NELFA: variants seen among roughly 807,000 people sequenced by gnomAD.
NELFA encodes negative elongation factor A.
A neutral mutation model predicts 51.8 loss-of-function variants in NELFA; 35 were observed. The ratio of observed to expected loss-of-function variants is 0.68; its 90% CI spans 0.52 to 0.90. NELFA has a LOEUF of 0.90. Among genes scored for constraint, NELFA ranks in the 40% least tolerant of loss-of-function variants. NELFA has a pLI of 0.00. For synonymous variants in NELFA, 417 were observed against 338.4 expected (o/e 1.23, Z -2.55); for missense variants, 658 against 746.4 (o/e 0.88, Z 1.38).
chr4:1,983,403 C>T lies in NELFA; in HGVS notation c.1503G>A (p.Leu501=). Reference sequence around the variant, plus strand: ...AGTTCATCTCAAACACTGTGTCCACCAGCATGGTTGTGCTACCCTGGCCGT... The same window carrying T: ...AGTTCATCTCAAACACTGTGTCCACTAGCATGGTTGTGCTACCCTGGCCGT... ...KADGQGSTTM[L]VDTVFEMNYA... Residue 501 remains leucine, a synonymous_variant, in exon 11 of 11, where the codon CTG becomes CTA. Coordinates refer to ENST00000382882, the MANE Select transcript of NELFA (RefSeq NM_005663.5). 1 of 1,614,208 alleles carries T rather than the reference C, an allele frequency of 6.2e-7. No homozygotes were observed.
intron 3 of NELFA, among the ~76,000 whole-genome samples, chr4:1,988,711 T>A (rs2109057732): frequency 6.6e-6 from 1 of 152,376 alleles, no homozygotes; most frequent in East Asian, 1.9e-4. Flanking sequence ...TAAAACGATG[T>A]TATTGAAATC....
intron 7 of NELFA, 56 bp downstream of exon 7, chr4:1,985,720 G>T: frequency 6.9e-7 from 1 of 1,440,662 alleles, no homozygotes; most frequent in South Asian, 1.1e-5. Flanking sequence ...GCCACAATCG[G>T]AACAAAAGGG....
At chr4:1,998,197 G>A (rs892733665) in intron 1 of NELFA, among the ~76,000 whole-genome samples, 5 of 151,984 alleles carry the variant, frequency 3.3e-5, no homozygotes, top group Admixed American at 6.6e-5. Flanking sequence ...AAGAATCAAC[G>A]AAAAAATGCT....
intron 1 of NELFA, among the ~76,000 whole-genome samples, chr4:2,006,754 G>GT (rs1430701573): frequency 3.9e-4 from 50 of 128,276 alleles, no homozygotes; most frequent in African/African-American, 1.4e-3. Flanking sequence ...GGGTGACAGA[G>GT]TGAGACGCTG....
Position 1,991,699 on chromosome 4 carries a change from A to G in NELFA, c.227T>C (p.Met76Thr), listed in dbSNP as rs368446695. The G allele has an allele frequency of 7.5e-6, 12 of 1,603,356 alleles. No individual in the cohort carries two copies. The highest frequency in any genetic ancestry group is 1.0e-5 in the Non-Finnish European group (12 of 1,175,506). ...RTVDEMKGAL[M>T]EIIQLASLDS... ...GAGGCTGGCGAGCTGGATGATCTCCATTAGGGCGCCCTTCATCTGCAAAAT... is the reference window on the plus strand; with the variant it reads ...GAGGCTGGCGAGCTGGATGATCTCCGTTAGGGCGCCCTTCATCTGCAAAAT... The change falls in exon 2 of 11, where the codon ATG (methionine) becomes ACG (threonine). Residue 76 changes from methionine to threonine, a missense_variant. Physicochemically the swap from Met to Thr is moderately conservative, Grantham distance 81 (BLOSUM62 -1). Coordinates refer to ENST00000382882, the MANE Select transcript of NELFA (RefSeq NM_005663.5).
intron 7 of NELFA, 71 bp downstream of exon 7, chr4:1,985,696 AGAGCACACT>A: frequency 9.4e-7 from 1 of 1,059,026 alleles, no homozygotes; most frequent in Non-Finnish European, 1.4e-6. Flanking sequence ...ATTCTCCGAC[AGAGCACACT>A]AGTGGCCACA....
intron 1 of NELFA, 119 bp downstream of exon 1, chr4:2,008,631 A>G: frequency 1.9e-6 from 2 of 1,067,200 alleles, no homozygotes; most frequent in Non-Finnish European, 1.3e-6. Context: ...GGGGGTTAAC[A>G]GTCTGAAGGG....
chr4:1,985,627 G>A, intron 7 of NELFA, 149 bp downstream of exon 7: 1 of 636,070 alleles, frequency 1.6e-6, no homozygotes, highest in Admixed American at 3.0e-5. Flanking sequence ...TGCCTCTCAT[G>A]TACATATACG....
At position 1,986,117 on chromosome 4, in the gene NELFA, G is replaced by T; in HGVS notation, c.832C>A (p.Leu278Ile). The T allele has an allele frequency of 6.4e-7, 1 of 1,551,872 alleles. No homozygotes were observed. The highest frequency in any genetic ancestry group is 8.7e-7 in the Non-Finnish European group (1 of 1,147,334). Reference sequence around the variant, plus strand: ...ACACGCAGGCCCCAACCCCCACCGAGAGTCTTCCTTCTCCGCTTCGCCTCT... The same window carrying T: ...ACACGCAGGCCCCAACCCCCACCGATAGTCTTCCTTCTCCGCTTCGCCTCT... ...GREAKRRRKT[L>I]DAEVVEKPAK... The change falls in exon 6 of 11, where the codon CTC becomes ATC. Residue 278 changes from leucine to isoleucine, a missense_variant. Coordinates refer to ENST00000382882, the MANE Select transcript of NELFA (RefSeq NM_005663.5).
chr4:2,001,789 G>A (rs896228322), intron 1 of NELFA, among the ~76,000 whole-genome samples: 1 of 152,174 alleles, frequency 6.6e-6, no homozygotes, highest in African/African-American at 2.4e-5. Context: ...TGTAATCCCA[G>A]CTACTCGGGA....
At chr4:1,990,606 G>A (rs965179897) in intron 2 of NELFA, 12 of 440,464 alleles carry the variant, frequency 2.7e-5, no homozygotes, top group Middle Eastern at 3.5e-4. Flanking sequence ...GTGGCCAGCA[G>A]GGCCCCTGCA....
chr4:1,983,371 G>A lies in NELFA; in HGVS notation c.1535C>T (p.Thr512Met), dbSNP rs1200742495. 7 of 1,614,182 alleles carry A rather than the reference G, an allele frequency of 4.3e-6. No homozygotes were observed. The highest frequency in any genetic ancestry group is 1.7e-5 in the Admixed American group (1 of 60,024). Reference sequence around the variant, plus strand: ...CTTCTTGAAGCGCGTCCACTGGCCCGTGGCATAGTTCATCTCAAACACTGT... The same window carrying A: ...CTTCTTGAAGCGCGTCCACTGGCCCATGGCATAGTTCATCTCAAACACTGT... Reference protein sequence around the residue: ...VDTVFEMNYATGQWTRFKKYK... With the variant: ...VDTVFEMNYAMGQWTRFKKYK... The change falls in exon 11 of 11, where the codon ACG becomes ATG. Residue 512 changes from threonine (T) to methionine (M), a missense_variant. Physicochemically the swap from Thr to Met is moderately conservative, Grantham distance 81. Coordinates refer to ENST00000382882, the MANE Select transcript of NELFA (RefSeq NM_005663.5).
intron 1 of NELFA, among the ~76,000 whole-genome samples, chr4:2,006,114 C>T (rs1728703290): frequency 6.6e-6 from 1 of 152,150 alleles, no homozygotes; most frequent in African/African-American, 2.4e-5. Context: ...TGACAAGAAC[C>T]GACTTAGTGG....
At chr4:1,987,822 A>T in intron 4 of NELFA, 96 bp downstream of exon 4, 1 of 1,054,896 alleles carries the variant, frequency 9.5e-7, no homozygotes, top group Non-Finnish European at 1.4e-6. Context: ...AAGACCATTC[A>T]CAGGCACCAC....
rs947143296 is a variant in NELFA at position 1,984,033 on chromosome 4, G to A, written c.1117C>T (p.Arg373Trp). ...SPTLPAQFKQ[R>W]APMYNSGLSP... ...AGGCCGCTGTTGTACATGGGCGCCCGCTGCTTGAACTGCGCTGGCAACGTG... is the reference window on the plus strand; with the variant it reads ...AGGCCGCTGTTGTACATGGGCGCCCACTGCTTGAACTGCGCTGGCAACGTG... The change falls in exon 9 of 11, where the codon CGG becomes TGG. Residue 373 changes from arginine (R) to tryptophan (W), a missense_variant. By Grantham distance (101) the Arg-to-Trp change is moderately radical. Around this residue, in one of 3 missense-constraint regions of NELFA, gnomAD observed 200 missense variants for 167.9 expected, o/e 1.19. Coordinates refer to ENST00000382882, the MANE Select transcript of NELFA (RefSeq NM_005663.5). 3.7e-6 allele frequency: 6 copies of A among 1,606,864 alleles called. No individual in the cohort carries two copies. The highest frequency in any genetic ancestry group is 1.7e-5 in the Admixed American group (1 of 59,836).
rs753027252 is a variant in NELFA, at chr4:1,983,931, T to C, written c.1219A>G (p.Thr407Ala). The change falls in exon 9 of 11, where the codon ACT (threonine) becomes GCT (alanine). Residue 407 changes from threonine to alanine, a missense_variant. Transcript: ENST00000382882. Reference protein sequence around the residue: ...PTTPPAVAPTTQTPPVAMVAP... With the variant: ...PTTPPAVAPTAQTPPVAMVAP... ...ACCATGGCAACCGGGGGTGTCTGAG[T>C]GGTAGGGGCGACAGCCGGAGGTGTG... 4 of 1,609,452 alleles carry C rather than the reference T, an allele frequency of 2.5e-6. No individual in the cohort carries two copies. In the Admixed American group the frequency reaches 6.7e-5, roughly 27 times the overall value.
chr4:1,990,121 C>T (rs2109058698), intron 2 of NELFA: 5 of 535,146 alleles, frequency 9.3e-6, no homozygotes, highest in Admixed American at 3.2e-5. Context: ...TCTGGCACCG[C>T]GGACACCAAG....
In NELFA at chr4:2,003,240, G is replaced by A. The variant is rs148068723; in HGVS notation, c.210+5510C>T. ...AAGTCAGGAAACAATAGATGCTAGC[G>A]AGGCTGTGGAGAAATAGGAAGGCTT... On this transcript the variant is annotated intron_variant, in intron 1 of 10. Coordinates refer to ENST00000382882, the MANE Select transcript of NELFA (RefSeq NM_005663.5). Among the ~76,000 whole-genome samples the A allele has an allele frequency of 2.3e-3, 356 of 152,310 alleles. 2 individuals are homozygous for A. The highest frequency in any genetic ancestry group is 0.012 in the East Asian group (60 of 5,186).
chr4:1,983,979 G>T lies in NELFA; in HGVS notation c.1171C>A (p.Pro391Thr), dbSNP rs767942061. ...LSPATPTPAA[P>T]TSPLTPTTPP... ...GTGGTGGGTGTCAGAGGCGAGGTGG[G>T]CGCCGCAGGCGTGGGTGTGGCAGGG... is the stretch of plus-strand genomic sequence containing the variant. The change falls in exon 9 of 11, where the codon CCC becomes ACC. Residue 391 changes from proline (P) to threonine (T), a missense_variant. Around this residue, in one of 3 missense-constraint regions of NELFA, gnomAD observed 200 missense variants for 167.9 expected, o/e 1.19. Transcript: ENST00000382882. 3 of 1,610,104 alleles carry T rather than the reference G, an allele frequency of 1.9e-6. No homozygotes were observed. In the African/African-American group the frequency reaches 4.0e-5, roughly 21 times the overall value.
Sources: allele counts gnomAD v4.1 joint callset (sites outside exome capture counted in the v4.1 genomes callset), GRCh38; gene constraint gnomAD v4.1.1; regional missense constraint gnomAD v4.1.1; transcripts MANE v1.5; gene names NCBI Gene and HGNC (gene_info 2026-07-23, HGNC 2026-07-21).